The following GPER1 variants were observed in gnomAD, a reference collection of about 807,000 sequenced individuals.
GPER1 encodes G protein-coupled receptor 30.
GPER1 carries 2 observed loss-of-function variants against 0.6 expected under a neutral mutation model. The ratio of observed to expected loss-of-function variants is 3.41; its 90% CI spans 1.39 to 10.72. The LOEUF (loss-of-function observed/expected upper bound fraction) is 10.72, where lower values mean the gene tolerates loss of function less well. Ranked by LOEUF, GPER1 falls within the 30% of genes most tolerant of loss-of-function variation. GPER1 has a pLI of 0.04. For synonymous variants in GPER1, 263 were observed against 247.6 expected (o/e 1.06, Z -0.58); for missense variants, 441 against 535.2 (o/e 0.82, Z 1.74).
chr7:1,087,598 G>A (rs1787514508), upstream of GPER1, among the ~76,000 whole-genome samples: 1 of 152,210 alleles, frequency 6.6e-6, no homozygotes, highest in Non-Finnish European at 1.5e-5. Context: ...AACAGTGTCG[G>A]ACTGTGGGGC....
chr7:1,089,740 T>C (rs1445609689), intron 1 of GPER1, among the ~76,000 whole-genome samples: 2 of 149,348 alleles, frequency 1.3e-5, no homozygotes. Flanking sequence ...GTAAGTATTT[T>C]CAAGCAATAG....
chr7:1,090,526 C>T (rs1258173706), intron 1 of GPER1, among the ~76,000 whole-genome samples: 6 of 149,130 alleles, frequency 4.0e-5, no homozygotes, highest in African/African-American at 1.5e-4. Flanking sequence ...TGACACAGGG[C>T]AGGTGATGGG....
Position 1,091,398 on chromosome 7 carries a change from C to T in GPER1, c.-322-9C>T, listed in dbSNP as rs1434963617. The T allele has an allele frequency of 3.7e-6, 1 of 267,978 alleles. No individual in the cohort carries two copies. The highest frequency in any genetic ancestry group is 6.6e-5 in the East Asian group (1 of 15,222). 16.6% of individuals were successfully genotyped at this position (267,978 alleles called of 1,614,324 possible). On this transcript the variant is annotated splice_polypyrimidine_tract_variant and intron_variant, in intron 1 of 1. Coordinates refer to ENST00000397088, the MANE Select transcript of GPER1 (RefSeq NM_001098201.3). ...GATGAGACTTCATCCTCTCCTGTTG[C>T]TTCTCCAGGTACCCAGAGAGTGAGC...
intron 1 of GPER1, among the ~76,000 whole-genome samples, chr7:1,090,668 C>T (rs761695549): frequency 1.3e-5 from 2 of 152,234 alleles, no homozygotes; most frequent in African/African-American, 2.4e-5. Flanking sequence ...CGGGCACCGC[C>T]GTGGGCGGAC....
chr7:1,092,846 G>A lies in GPER1; in HGVS notation c.1118G>A (p.Ser373Asn), dbSNP rs764896213. 20 of 1,612,342 alleles carry A rather than the reference G, an allele frequency of 1.2e-5. No individual in the cohort carries two copies. The highest frequency in any genetic ancestry group is 1.4e-5 in the Non-Finnish European group (17 of 1,179,446). Reference sequence around the variant, plus strand: ...GAGCAGTCGGATGTGAGGTTCAGCAGTGCCGTGTAGACAGCCTTGGCCGCA... The same window carrying A: ...GAGCAGTCGGATGTGAGGTTCAGCAATGCCGTGTAGACAGCCTTGGCCGCA... The part of the protein sequence containing the change: ...STEQSDVRFS[S>N]AV Residue 373 changes from serine to asparagine, a missense_variant, in exon 2 of 2, where the codon AGT becomes AAT. By Grantham distance (46) the Ser-to-Asn change is conservative (BLOSUM62 1). Coordinates refer to ENST00000397088, the MANE Select transcript of GPER1 (RefSeq NM_001098201.3).
chr7:1,091,497 C>T lies in GPER1; in HGVS notation c.-232C>T, dbSNP rs1010022163. 7.7e-6 allele frequency: 4 copies of T among 519,898 alleles called. No homozygotes were observed. The highest frequency in any genetic ancestry group is 3.1e-5 in the East Asian group (1 of 32,466). The allele number at this position is 519,898 out of a possible 1,614,324, so 32.2% of individuals were successfully genotyped here. A position where few individuals can be genotyped will look rare whatever the true frequency, so the allele number is the denominator to read the frequency against. On this transcript the variant is annotated 5_prime_UTR_variant, in exon 2 of 2. Transcript: ENST00000397088. ...GCCGGACGAGCACGCGGAGGGCCCT[C>T]GCCTCCACGGATGCACCATGCCGGT...
Position 1,091,855 on chromosome 7 carries a change from G to C in GPER1, c.127G>C (p.Ala43Pro). 1 of 1,612,718 alleles carries C rather than the reference G, an allele frequency of 6.2e-7. No individual in the cohort carries two copies. The highest frequency in any genetic ancestry group is 8.5e-7 in the Non-Finnish European group (1 of 1,178,990). Residue 43 changes from alanine (A) to proline (P), a missense_variant, in exon 2 of 2, where the codon GCC (alanine) becomes CCC (proline). Physicochemically the swap from Ala to Pro is conservative, Grantham distance 27. Transcript: ENST00000397088. ...LSHPLLGTAL[A>P]NGTGELSEHQ... ...CCACCCGCTCCTGGGCACCGCCCTG[G>C]CCAATGGGACAGGTGAGCTCTCGGA... is the stretch of plus-strand genomic sequence containing the variant.
chr7:1,090,677 A>G (rs1392369481), intron 1 of GPER1, among the ~76,000 whole-genome samples: 3 of 152,230 alleles, frequency 2.0e-5, no homozygotes, highest in Non-Finnish European at 4.4e-5. Context: ...CCGTGGGCGG[A>G]CAGCCCACTT....
rs1788039333 is a variant in GPER1 at position 1,092,020 on chromosome 7, TTCA to T, written c.296_298del (p.Ile99del). On this transcript the variant is annotated inframe_deletion, in exon 2 of 2. Coordinates refer to ENST00000397088, the MANE Select transcript of GPER1 (RefSeq NM_001098201.3). ...GAAGATGACCATCCCCGACCTGTAC[TTCA>T]TCAACCTGGCGGTGGCGGACCTCAT... 1.9e-6 allele frequency: 3 copies of T among 1,614,078 alleles called. No individual in the cohort carries two copies. The highest frequency in any genetic ancestry group is 1.7e-5 in the Admixed American group (1 of 60,032).
At chr7:1,090,506 A>G (rs1283724743) in intron 1 of GPER1, among the ~76,000 whole-genome samples, 1 of 151,996 alleles carries the variant, frequency 6.6e-6, no homozygotes, top group Non-Finnish European at 1.5e-5. Context: ...CACTGGCGGC[A>G]GAGCCGGGGT....
rs1481235460 is a variant in GPER1 at position 1,092,498 on chromosome 7, C to T, written c.770C>T (p.Ala257Val). 8.1e-6 allele frequency: 13 copies of T among 1,607,622 alleles called. No individual in the cohort carries two copies. The highest frequency in any genetic ancestry group is 4.5e-5 in the East Asian group (2 of 44,876). Residue 257 changes from alanine to valine, a missense_variant, in exon 2 of 2, where the codon GCG becomes GTG. Coordinates refer to ENST00000397088, the MANE Select transcript of GPER1 (RefSeq NM_001098201.3). The part of the protein sequence containing the change: ...HRGLRPRRQK[A>V]LRMILAVVLV... ...GGGCTGCGGCCCCGGCGGCAGAAGG[C>T]GCTCCGCATGATCCTCGCGGTGGTG...
At position 1,091,626 on chromosome 7, in the gene GPER1, C is replaced by T. The variant is rs1583787539; in HGVS notation, c.-103C>T. 4.4e-6 allele frequency: 4 copies of T among 918,900 alleles called. No individual in the cohort carries two copies. Among genetic ancestry groups the T allele is most frequent in the East Asian group, 4.9e-5 (2 of 40,718 alleles). The allele number at this position is 918,900 out of a possible 1,614,324, so 56.9% of individuals were successfully genotyped here. A position where few individuals can be genotyped will look rare whatever the true frequency, so the allele number is the denominator to read the frequency against. Reference sequence around the variant, plus strand: ...TTTCCTGTCTGACAAATGCCAGGCTCACTTCAAGGAGAATCACGCTTCTTT... The same window carrying T: ...TTTCCTGTCTGACAAATGCCAGGCTTACTTCAAGGAGAATCACGCTTCTTT... On this transcript the variant is annotated 5_prime_UTR_variant, in exon 2 of 2. Coordinates refer to ENST00000397088, the MANE Select transcript of GPER1 (RefSeq NM_001098201.3).
Position 1,092,401 on chromosome 7 carries a change from G to A in GPER1, c.673G>A (p.Val225Met), listed in dbSNP as rs771510444. 7.9e-5 allele frequency: 127 copies of A among 1,603,884 alleles called. No homozygotes were observed. Among genetic ancestry groups the A allele is most frequent in the Middle Eastern group, 1.8e-4 (1 of 5,712 alleles). ...GCTCGAGGTCACGCTGGGCTTCATC[G>A]TGCCCTTCGCCATCATCGGCCTGTG... ...QWLEVTLGFI[V>M]PFAIIGLCYS... The change falls in exon 2 of 2, where the codon GTG (valine) becomes ATG (methionine). Residue 225 changes from valine (V) to methionine (M), a missense_variant. Val to Met is a conservative substitution (Grantham distance 21). Coordinates refer to ENST00000397088, the MANE Select transcript of GPER1 (RefSeq NM_001098201.3).
intron 1 of GPER1, among the ~76,000 whole-genome samples, chr7:1,089,311 T>C (rs1787698871): frequency 1.3e-5 from 2 of 152,230 alleles, no homozygotes; most frequent in Non-Finnish European, 2.9e-5. Context: ...GGTTATTCAG[T>C]ACTTTTAGAA....
At position 1,092,506 on chromosome 7, in the gene GPER1, A is replaced by G. The variant is rs1307853610; in HGVS notation, c.778A>G (p.Met260Val). ...LRPRRQKALRMILAVVLVFFV... is the reference protein window; with the variant it reads ...LRPRRQKALRVILAVVLVFFV... ...GCCCCGGCGGCAGAAGGCGCTCCGC[A>G]TGATCCTCGCGGTGGTGCTGGTCTT... Residue 260 changes from methionine (M) to valine (V), a missense_variant, in exon 2 of 2, where the codon ATG becomes GTG. Met to Val is a conservative substitution (Grantham distance 21). Coordinates refer to ENST00000397088, the MANE Select transcript of GPER1 (RefSeq NM_001098201.3). 1.9e-6 allele frequency: 3 copies of G among 1,607,938 alleles called. No homozygotes were observed. The highest frequency in any genetic ancestry group is 1.7e-6 in the Non-Finnish European group (2 of 1,179,876).
In GPER1 at chr7:1,091,828, T is replaced by A. The variant is rs201711034; in HGVS notation, c.100T>A (p.Ser34Thr). The change falls in exon 2 of 2, where the codon TCC becomes ACC. Residue 34 changes from serine (S) to threonine (T), a missense_variant. Transcript: ENST00000397088. ...PNTTSPELNL[S>T]HPLLGTALAN... ...CACCACCTCCCCCGAGCTCAACCTG[T>A]CCCACCCGCTCCTGGGCACCGCCCT... 1,437 of 1,605,468 alleles carry A rather than the reference T, an allele frequency of 9.0e-4. 12 individuals are homozygous for A. The highest frequency in any genetic ancestry group is 2.2e-4 in the Non-Finnish European group (255 of 1,174,278).
At position 1,091,999 on chromosome 7, in the gene GPER1, A is replaced by T. The variant is rs1219921770; in HGVS notation, c.271A>T (p.Met91Leu). Residue 91 changes from methionine to leucine, a missense_variant, in exon 2 of 2, where the codon ATG becomes TTG. Coordinates refer to ENST00000397088, the MANE Select transcript of GPER1 (RefSeq NM_001098201.3). ...LVVNISFREK[M>L]TIPDLYFINL... is the part of the protein sequence containing the mutation. ...GGTGAACATCAGCTTCCGCGAGAAG[A>T]TGACCATCCCCGACCTGTACTTCAT... The T allele has an allele frequency of 3.1e-6, 5 of 1,614,094 alleles. No individual in the cohort carries two copies. The highest frequency in any genetic ancestry group is 1.6e-4 in the Middle Eastern group (1 of 6,062).
Position 1,092,474 on chromosome 7 carries a change from G to A in GPER1, c.746G>A (p.Gly249Glu), listed in dbSNP as rs1287914370. Residue 249 changes from glycine to glutamate, a missense_variant, in exon 2 of 2, where the codon GGG becomes GAG. Coordinates refer to ENST00000397088, the MANE Select transcript of GPER1 (RefSeq NM_001098201.3). ...RVLVRAHRHRGLRPRRQKALR... is the reference protein window; with the variant it reads ...RVLVRAHRHRELRPRRQKALR... ...CTGGTCAGGGCGCACCGGCACCGTG[G>A]GCTGCGGCCCCGGCGGCAGAAGGCG... 1.9e-6 allele frequency: 3 copies of A among 1,607,904 alleles called. No homozygotes were observed. In the Admixed American group the frequency reaches 5.0e-5, roughly 27 times the overall value.
rs925413942 is a variant in GPER1 at position 1,091,446 on chromosome 7, G to A, written c.-283G>A. ...AGCAGCTCCACGCGGGACTGTGCAC[G>A]GTGGCCGACACCCGCAGGGACGCCC... is the stretch of plus-strand genomic sequence containing the variant. On this transcript the variant is annotated 5_prime_UTR_variant, in exon 2 of 2. Coordinates refer to ENST00000397088, the MANE Select transcript of GPER1 (RefSeq NM_001098201.3). 18 of 437,290 alleles carry A rather than the reference G, an allele frequency of 4.1e-5. No homozygotes were observed. Among genetic ancestry groups the A allele is most frequent in the African/African-American group, 2.6e-4 (13 of 50,806 alleles). 27.1% of individuals were successfully genotyped at this position (437,290 alleles called of 1,614,324 possible).
Sources: allele counts gnomAD v4.1 joint callset (sites outside exome capture counted in the v4.1 genomes callset), GRCh38; gene constraint gnomAD v4.1.1; transcripts MANE v1.5; gene names NCBI Gene and HGNC (gene_info 2026-07-23, HGNC 2026-07-21).